The following CLIC2 variants were observed in gnomAD, a reference collection of about 807,000 sequenced individuals.
The protein encoded by CLIC2 is chloride intracellular channel protein 2.
Under a neutral mutation model 14.8 loss-of-function variants are expected in CLIC2, and 9 were observed. The observed-to-expected ratio is 0.61, with a 90% CI of 0.37 to 1.06. CLIC2 has a LOEUF of 1.06. CLIC2 is among the 50% of genes least tolerant of loss of function. CLIC2 has a pLI of 0.01. For synonymous variants in CLIC2, 61 were observed against 66.3 expected, an observed-to-expected ratio of 0.92 and a Z score of 0.39; for missense variants, 148 against 181.4, an observed-to-expected ratio of 0.82 and a Z score of 1.06.
At chrX:155,285,729 A>G (rs1373984132) in intron 3 of CLIC2, among the ~76,000 whole-genome samples, 2 of 111,907 alleles carry the variant, frequency 1.8e-5, no homozygotes, top group African/African-American at 6.5e-5. Flanking sequence ...CAGAGAAGAA[A>G]GATTAGGAGT....
chrX:155,322,517 C>T (rs1193504059), intron 1 of CLIC2, among the ~76,000 whole-genome samples: 1 of 111,811 alleles, frequency 8.9e-6, no homozygotes, highest in East Asian at 2.8e-4. Flanking sequence ...AGAACAAAGA[C>T]ACAATGTACC....
chrX:155,321,964 A>G (rs1407227789), intron 1 of CLIC2, among the ~76,000 whole-genome samples: 3 of 111,661 alleles, frequency 2.7e-5, no homozygotes, highest in African/African-American at 9.8e-5. Flanking sequence ...AAGACAAAGA[A>G]GGGTATTACA....
intron 3 of CLIC2, among the ~76,000 whole-genome samples, chrX:155,281,364 A>C (rs1363464431): frequency 9.0e-6 from 1 of 110,580 alleles, no homozygotes; most frequent in Non-Finnish European, 1.9e-5. Context: ...CTTACCATAT[A>C]AAAAAGATAA....
chrX:155,302,318 A>T (rs12394973), intron 1 of CLIC2, among the ~76,000 whole-genome samples: 3 of 102,834 alleles, frequency 2.9e-5, no homozygotes, highest in African/African-American at 1.0e-4. Context: ...GAGAGTGTAT[A>T]TGTCCAGGAA....
At chrX:155,282,879 C>T (rs2074925283) in intron 3 of CLIC2, among the ~76,000 whole-genome samples, 1 of 111,374 alleles carries the variant, frequency 9.0e-6, no homozygotes, top group Non-Finnish European at 1.9e-5. Context: ...AGGCTGGCCC[C>T]CATGGCCACA....
chrX:155,308,563 C>T lies in CLIC2; in HGVS notation c.58-9418G>A, dbSNP rs191184942. ...CATTGATATGCAAGTACGAGAATGT[C>T]ATAGAACACCAAGTAGATTTAACCC... On this transcript the variant is annotated intron_variant, in intron 1 of 5. Coordinates refer to ENST00000369449, the MANE Select transcript of CLIC2 (RefSeq NM_001289.6). Among the ~76,000 whole-genome samples, 3 of 111,632 alleles carry T rather than the reference C, an allele frequency of 2.7e-5. No individual in the cohort carries two copies. The Admixed American group carries it at 2.8e-4, about 11-fold the overall frequency.
Position 155,293,123 on chromosome X carries a change from A to G in CLIC2, c.293+5662T>C, listed in dbSNP as rs1271134735. The G allele has an allele frequency of 6.4e-6, 4 of 621,811 alleles. No individual in the cohort carries two copies. In the African/African-American group the frequency reaches 8.8e-5, roughly 14 times the overall value. The allele number at this position is 621,811 out of a possible 1,213,427, so 51.2% of individuals were successfully genotyped here. A position where few individuals can be genotyped will look rare whatever the true frequency, so the allele number is the denominator to read the frequency against. On this transcript the variant is annotated intron_variant, in intron 3 of 5. Transcript: ENST00000369449. ...GGCGAAGATGGTTGAGGTGATGAGA[A>G]GCGGAAAAATAAAGGCACTTCGGAC...
chrX:155,295,589 A>G (rs1017457355), intron 3 of CLIC2, among the ~76,000 whole-genome samples: 12 of 111,143 alleles, frequency 1.1e-4, no homozygotes, highest in African/African-American at 3.9e-4. Context: ...GTCCCTTTTT[A>G]CTGGTGCCAT....
chrX:155,278,128 G>A, intron 5 of CLIC2, 64 bp from the exon 6 acceptor site: 4 of 990,360 alleles, frequency 4.0e-6, no homozygotes, highest in African/African-American at 1.9e-5. Context: ...ATGTAGAAAT[G>A]TTTCTTAGAA....
intron 1 of CLIC2, among the ~76,000 whole-genome samples, chrX:155,311,710 G>A (rs186751807): frequency 6.3e-5 from 7 of 111,631 alleles, no homozygotes; most frequent in African/African-American, 2.0e-4. Flanking sequence ...AGACATACCC[G>A]ACACTGGGCA....
In CLIC2 at chrX:155,298,900, C is replaced by T; in HGVS notation, c.178G>A (p.Glu60Lys). 5.0e-6 allele frequency: 6 copies of T among 1,209,494 alleles called. No individual in the cohort carries two copies. Among genetic ancestry groups the T allele is most frequent in the Non-Finnish European group, 6.7e-6 (6 of 893,680 alleles). The change falls in exon 3 of 6, where the codon GAA becomes AAA. Residue 60 changes from glutamate to lysine, a missense_variant. Transcript: ENST00000369449. ...TTVDMTRKPEELKDLAPGTNP... is the reference protein window; with the variant it reads ...TTVDMTRKPEKLKDLAPGTNP... The stretch of plus-strand genomic sequence containing the variant: ...GTACCTGGGGCTAAGTCCTTTAGTT[C>T]TTCAGGCTTTCTATGATTATTAAAA...
chrX:155,302,047 T>C (rs370648163), intron 1 of CLIC2, among the ~76,000 whole-genome samples: 12 of 100,750 alleles, frequency 1.2e-4, no homozygotes, highest in Non-Finnish European at 2.2e-4. Flanking sequence ...TCTCTTTTTT[T>C]GTTGTGTCTC....
At chrX:155,328,459 C>A in intron 1 of CLIC2, among the ~76,000 whole-genome samples, 1 of 110,816 alleles carries the variant, frequency 9.0e-6, no homozygotes, top group South Asian at 3.7e-4. Context: ...TAAAAGATTT[C>A]TACCTGAAAA....
At chrX:155,301,562 C>T (rs1176530518) in intron 1 of CLIC2, among the ~76,000 whole-genome samples, 7 of 92,857 alleles carry the variant, frequency 7.5e-5, no homozygotes, top group Non-Finnish European at 1.1e-4. Flanking sequence ...TAATTGAATA[C>T]CCTTTATTTA....
intron 3 of CLIC2, among the ~76,000 whole-genome samples, chrX:155,286,653 A>T (rs2074944090): frequency 9.0e-6 from 1 of 111,676 alleles, no homozygotes; most frequent in Admixed American, 9.5e-5. Context: ...CTATTTCTTG[A>T]CTTTTTATTT....
intron 3 of CLIC2, among the ~76,000 whole-genome samples, chrX:155,287,751 G>T (rs1318835849): frequency 8.9e-6 from 1 of 112,056 alleles, no homozygotes; most frequent in African/African-American, 3.2e-5. Flanking sequence ...GGTTTCATAA[G>T]AATTTTAAAA....
chrX:155,295,891 C>T (rs1311696100), intron 3 of CLIC2, among the ~76,000 whole-genome samples: 1 of 111,416 alleles, frequency 9.0e-6, no homozygotes, highest in East Asian at 2.8e-4. Context: ...GGGAAAACAT[C>T]TCATGCTCAT....
chrX:155,326,444 C>T (rs1340896783), intron 1 of CLIC2, among the ~76,000 whole-genome samples: 2 of 111,598 alleles, frequency 1.8e-5, no homozygotes, highest in Non-Finnish European at 3.8e-5. Flanking sequence ...AGTGACAACA[C>T]AAAATGCTGG....
chrX:155,285,224 A>T (rs2074937444), intron 3 of CLIC2, among the ~76,000 whole-genome samples: 1 of 112,620 alleles, frequency 8.9e-6, no homozygotes, highest in Non-Finnish European at 1.9e-5. Context: ...TAACAATAAA[A>T]CGTAGAAACA....
Sources: allele counts gnomAD v4.1 joint callset (sites outside exome capture counted in the v4.1 genomes callset), GRCh38; gene constraint gnomAD v4.1.1; transcripts MANE v1.5; gene names NCBI Gene and HGNC (gene_info 2026-07-23, HGNC 2026-07-21).